The following NOL4 variants were observed in gnomAD, a reference collection of about 807,000 sequenced individuals.
The protein encoded by NOL4 is nucleolar protein 4, also known as cancer/testis antigen 125.
A neutral mutation model predicts 75.9 loss-of-function variants in NOL4; 17 were observed. The ratio of observed to expected loss-of-function variants is 0.22; its 90% CI spans 0.15 to 0.34. The LOEUF (loss-of-function observed/expected upper bound fraction) is 0.34. Ranked by LOEUF, NOL4 falls within the 10% of genes least tolerant of loss-of-function variation. NOL4 has a pLI of 1.00. For missense variants in NOL4, 614 were observed against 793.5 expected (o/e 0.77, Z 2.72); for synonymous variants, 292 against 289.9 (o/e 1.01, Z -0.07).
At chr18:33,928,656 G>A (rs185329959) in intron 9 of NOL4, among the ~76,000 whole-genome samples, 4 of 152,148 alleles carry the variant, frequency 2.6e-5, no homozygotes, top group Admixed American at 2.0e-4. Flanking sequence ...GTGCACTAAG[G>A]AAGAAATTTA....
intron 6 of NOL4, among the ~76,000 whole-genome samples, chr18:33,977,658 C>T (rs141439947): frequency 6.2e-4 from 95 of 152,186 alleles, no homozygotes; most frequent in African/African-American, 2.2e-3. Context: ...ACTATGTTAT[C>T]GAATACAAGG....
chr18:33,917,637 G>A (rs2066803958), intron 9 of NOL4, among the ~76,000 whole-genome samples: 1 of 151,960 alleles, frequency 6.6e-6, no homozygotes, highest in South Asian at 2.1e-4. Flanking sequence ...TGGGACTACA[G>A]GTGGGTGCTA....
intron 9 of NOL4, among the ~76,000 whole-genome samples, chr18:33,907,066 G>A (rs1269935641): frequency 2.6e-5 from 4 of 152,098 alleles, no homozygotes; most frequent in African/African-American, 9.7e-5. Flanking sequence ...GCTCACGCCT[G>A]TAATCCCAGC....
chr18:33,869,840 A>T (rs1371965818), intron 10 of NOL4, among the ~76,000 whole-genome samples: 1 of 152,068 alleles, frequency 6.6e-6, no homozygotes, highest in Non-Finnish European at 1.5e-5. Flanking sequence ...GTGATTTCTT[A>T]TCAAATATTT....
chr18:34,148,837 T>A (rs1315717221), intron 1 of NOL4, among the ~76,000 whole-genome samples: 1 of 152,016 alleles, frequency 6.6e-6, no homozygotes, highest in Non-Finnish European at 1.5e-5. Context: ...TATTATTGTG[T>A]GGGAGTCTAA....
intron 1 of NOL4, among the ~76,000 whole-genome samples, chr18:34,136,618 G>C (rs992746928): frequency 6.6e-6 from 1 of 151,976 alleles, no homozygotes; most frequent in Non-Finnish European, 1.5e-5. Context: ...GAATAATTTA[G>C]ATATAATGTT....
At chr18:34,147,444 A>G (rs987797159) in intron 1 of NOL4, among the ~76,000 whole-genome samples, 11 of 152,070 alleles carry the variant, frequency 7.2e-5, no homozygotes, top group African/African-American at 2.4e-4. Context: ...AAATTTTATC[A>G]AAGGCCTTTT....
At chr18:34,029,947 C>G (rs941111541) in intron 5 of NOL4, among the ~76,000 whole-genome samples, 1 of 151,900 alleles carries the variant, frequency 6.6e-6, no homozygotes, top group Non-Finnish European at 1.5e-5. Context: ...TAAATTAAAC[C>G]AGGAAAAAGT....
chr18:34,143,864 C>CA (rs754617814), intron 1 of NOL4, among the ~76,000 whole-genome samples: 2,143 of 65,182 alleles, frequency 0.033, 22 homozygotes, highest in South Asian at 0.051. Flanking sequence ...AACTCCATCT[C>CA]AAAAAAAAAA....
chr18:33,996,134 A>G (rs971995783), intron 6 of NOL4, among the ~76,000 whole-genome samples: 1 of 151,850 alleles, frequency 6.6e-6, no homozygotes, highest in African/African-American at 2.4e-5. Flanking sequence ...CACTATTTCT[A>G]TTCAAAATTG....
At chr18:34,162,237 C>T (rs1200128706) in intron 1 of NOL4, among the ~76,000 whole-genome samples, 4 of 152,024 alleles carry the variant, frequency 2.6e-5, no homozygotes, top group Admixed American at 2.6e-4. Context: ...TAACTAAAAT[C>T]AGAGCAGAAC....
intron 5 of NOL4, among the ~76,000 whole-genome samples, chr18:34,049,011 T>C (rs1432949320): frequency 1.3e-5 from 2 of 151,776 alleles, no homozygotes; most frequent in African/African-American, 4.8e-5. Context: ...GGAGAAGCTT[T>C]ACCTTTTTTT....
chr18:33,890,501 C>A (rs1303342545), intron 9 of NOL4, among the ~76,000 whole-genome samples: 3 of 152,078 alleles, frequency 2.0e-5, no homozygotes, highest in African/African-American at 7.2e-5. Flanking sequence ...CAATGACTTT[C>A]TTCACAGAAT....
At chr18:33,983,882 A>C (rs565865030) in intron 6 of NOL4, among the ~76,000 whole-genome samples, 14 of 152,190 alleles carry the variant, frequency 9.2e-5, no homozygotes, top group Middle Eastern at 3.4e-3. Flanking sequence ...AATATTGACA[A>C]TTTTAAGTAG....
chr18:34,066,010 C>A (rs575350492), intron 5 of NOL4, among the ~76,000 whole-genome samples: 8 of 151,878 alleles, frequency 5.3e-5, no homozygotes, highest in African/African-American at 1.7e-4. Context: ...CAAAATATAA[C>A]CCTTACGAAT....
chr18:34,168,971 T>C (rs1258251614), intron 1 of NOL4, among the ~76,000 whole-genome samples: 1 of 151,858 alleles, frequency 6.6e-6, no homozygotes, highest in African/African-American at 2.4e-5. Flanking sequence ...AAAAAATTAA[T>C]GCAAACCAAA....
At chr18:34,119,621 T>G (rs573418985) in intron 2 of NOL4, among the ~76,000 whole-genome samples, 1 of 151,898 alleles carries the variant, frequency 6.6e-6, no homozygotes, top group South Asian at 2.1e-4. Context: ...TGGGTTATTT[T>G]TTTTATTTTT....
At chr18:34,191,142 G>A (rs1375911599) in intron 1 of NOL4, among the ~76,000 whole-genome samples, 1 of 152,096 alleles carries the variant, frequency 6.6e-6, no homozygotes, top group Admixed American at 6.6e-5. Flanking sequence ...TCGTGGACAT[G>A]TGATAAAACA....
At chr18:34,006,611 C>T (rs1297223601) in intron 6 of NOL4, among the ~76,000 whole-genome samples, 1 of 152,060 alleles carries the variant, frequency 6.6e-6, no homozygotes, top group Non-Finnish European at 1.5e-5. Context: ...TCTGCCAAAG[C>T]TACCATCCAT....
Sources: gnomAD v4.1 joint callset for allele counts (sites outside exome capture counted in the v4.1 genomes callset) on GRCh38, gnomAD v4.1.1 for gene constraint, MANE v1.5 for transcripts, NCBI Gene and HGNC (gene_info 2026-07-23, HGNC 2026-07-21) for gene names.